SNTG1: variants seen among roughly 807,000 people sequenced by gnomAD.
SNTG1 encodes syntrophin gamma 1.
Under a neutral mutation model 74.7 loss-of-function variants are expected in SNTG1, and 39 were observed. That is an observed-to-expected ratio of 0.52 (90% CI 0.40 to 0.68). The LOEUF (loss-of-function observed/expected upper bound fraction) is 0.68. Ranked by LOEUF, SNTG1 falls within the 30% of genes least tolerant of loss-of-function variation. The pLI, the probability that SNTG1 is intolerant of heterozygous loss-of-function variation, is 0.00. For synonymous variants in SNTG1, 254 were observed against 217.1 expected, an observed-to-expected ratio of 1.17 and a Z score of -1.49; for missense variants, 685 against 609.5, an observed-to-expected ratio of 1.12 and a Z score of -1.30.
chr8:49,917,583 C>G lies in SNTG1; in HGVS notation c.-103+5352C>G, dbSNP rs117252689. 2.8e-4 allele frequency among the ~76,000 whole-genome samples: 42 copies of G among 152,228 alleles called. No homozygotes were observed. In the East Asian group the frequency reaches 7.3e-3, roughly 27 times the overall value. ...GAAGCTGGTGAGTGTTATGACTTAGCCTGTTAGACTAGTCTATGCACATGG... is the reference window on the plus strand; with the variant it reads ...GAAGCTGGTGAGTGTTATGACTTAGGCTGTTAGACTAGTCTATGCACATGG... On this transcript the variant is annotated intron_variant, in intron 1 of 18. Transcript: ENST00000642720.
intron 2 of SNTG1, among the ~76,000 whole-genome samples, chr8:50,278,078 T>A (rs1269952920): frequency 6.6e-6 from 1 of 152,100 alleles, no homozygotes; most frequent in East Asian, 1.9e-4. Flanking sequence ...GAGGCTGAGG[T>A]GGGAGAATCA....
At chr8:50,680,428 G>A (rs537757050) in intron 15 of SNTG1, among the ~76,000 whole-genome samples, 6 of 152,174 alleles carry the variant, frequency 3.9e-5, no homozygotes, top group East Asian at 1.9e-4. Flanking sequence ...GTAGTTGGTC[G>A]ATACCAATTA....
At chr8:50,115,262 T>A (rs1265640444) in intron 1 of SNTG1, among the ~76,000 whole-genome samples, 1 of 151,858 alleles carries the variant, frequency 6.6e-6, no homozygotes, top group Non-Finnish European at 1.5e-5. Context: ...TTTTACAGTG[T>A]GAGTGAGAGG....
intron 2 of SNTG1, among the ~76,000 whole-genome samples, chr8:50,352,496 T>G (rs13259996): frequency 0.46 from 69,354 of 151,788 alleles, 18,764 homozygotes; most frequent in East Asian, 0.79. Flanking sequence ...GTACAAGAGA[T>G]TCTCCTGTCT....
intron 2 of SNTG1, among the ~76,000 whole-genome samples, chr8:50,257,738 G>T (rs763610267): frequency 5.9e-5 from 9 of 152,170 alleles, no homozygotes; most frequent in Admixed American, 1.3e-4. Context: ...CAGGAAAGAG[G>T]ACAGCTAAGG....
chr8:50,239,931 C>T (rs552473840), intron 2 of SNTG1, among the ~76,000 whole-genome samples: 30 of 152,222 alleles, frequency 2.0e-4, no homozygotes, highest in African/African-American at 6.0e-4. Context: ...TTTAAAAATC[C>T]CAATTCTCCT....
At chr8:50,333,940 G>A (rs1462664485) in intron 2 of SNTG1, among the ~76,000 whole-genome samples, 8 of 152,294 alleles carry the variant, frequency 5.3e-5, no homozygotes, top group African/African-American at 1.7e-4. Flanking sequence ...CATGGATAAT[G>A]TACATAATTT....
chr8:50,341,107 T>C (rs959885081), intron 2 of SNTG1, among the ~76,000 whole-genome samples: 2 of 152,004 alleles, frequency 1.3e-5, no homozygotes, highest in African/African-American at 2.4e-5. Context: ...GGCTACATAG[T>C]AGTTTGGCCA....
intron 1 of SNTG1, among the ~76,000 whole-genome samples, chr8:50,126,322 T>C (rs1470420625): frequency 6.6e-6 from 1 of 152,146 alleles, no homozygotes; most frequent in Non-Finnish European, 1.5e-5. Context: ...GGCTGTATAG[T>C]TTTATGAGAC....
At chr8:50,351,617 A>G (rs896023) in intron 2 of SNTG1, among the ~76,000 whole-genome samples, 24,065 of 152,148 alleles carry the variant, frequency 0.16, 2,325 homozygotes, top group Middle Eastern at 0.26. Flanking sequence ...ATGCTGGAGT[A>G]AAAAACTGAA....
At chr8:50,627,321 A>T (rs557221333) in intron 13 of SNTG1, among the ~76,000 whole-genome samples, 1 of 152,336 alleles carries the variant, frequency 6.6e-6, no homozygotes, top group African/African-American at 2.4e-5. Flanking sequence ...AGATAATAAA[A>T]AACCATCATG....
intron 15 of SNTG1, among the ~76,000 whole-genome samples, chr8:50,689,358 GC>G (rs1359659581): frequency 8.5e-5 from 13 of 152,072 alleles, no homozygotes; most frequent in Admixed American, 3.3e-4. Context: ...TGAAGTTTTT[GC>G]CCATTCAGTA....
rs549291364 is a variant in SNTG1 at position 50,084,068 on chromosome 8, A to G, written c.-102-88493A>G. 1.3e-4 allele frequency among the ~76,000 whole-genome samples: 20 copies of G among 152,330 alleles called. No individual in the cohort carries two copies. In the Middle Eastern group the frequency reaches 0.01, roughly 78 times the overall value. ...GCTATAGCCATTCTAAATGTAATAG[A>G]TACTCCAAAAGCCATCTCTAAAAGA... is the stretch of plus-strand genomic sequence containing the variant. On this transcript the variant is annotated intron_variant, in intron 1 of 18. Coordinates refer to ENST00000642720, the MANE Select transcript of SNTG1 (RefSeq NM_018967.5).
chr8:50,100,278 G>C (rs972839607), intron 1 of SNTG1, among the ~76,000 whole-genome samples: 4 of 151,928 alleles, frequency 2.6e-5, no homozygotes, highest in African/African-American at 7.2e-5. Context: ...GAAGGACAGA[G>C]GGAGGGAAGG....
intron 1 of SNTG1, among the ~76,000 whole-genome samples, chr8:50,008,490 A>T (rs1417155514): frequency 6.6e-6 from 1 of 152,112 alleles, no homozygotes; most frequent in Non-Finnish European, 1.5e-5. Flanking sequence ...TATTACGGAG[A>T]TTTTTTTAAT....
chr8:50,664,951 T>C (rs1282750441), intron 15 of SNTG1, among the ~76,000 whole-genome samples: 6 of 152,178 alleles, frequency 3.9e-5, no homozygotes, highest in Non-Finnish European at 8.8e-5. Context: ...ATTTTGTTTG[T>C]AGATATTCAA....
chr8:50,072,706 A>C (rs548044696), intron 1 of SNTG1, among the ~76,000 whole-genome samples: 1 of 152,328 alleles, frequency 6.6e-6, no homozygotes, highest in South Asian at 2.1e-4. Flanking sequence ...TCTAAAACTA[A>C]AATAGCAAAG....
At chr8:50,412,961 G>T (rs187397890) in intron 4 of SNTG1, among the ~76,000 whole-genome samples, 51 of 152,206 alleles carry the variant, frequency 3.4e-4, no homozygotes, top group African/African-American at 1.1e-3. Context: ...AATGGAAGTT[G>T]AATTGAGACC....
In SNTG1 at chr8:50,357,273, A is replaced by G. The variant is rs1195746087; in HGVS notation, c.-27-36939A>G. Among the ~76,000 whole-genome samples the G allele has an allele frequency of 2.6e-5, 4 of 152,330 alleles. No individual in the cohort carries two copies. In the South Asian group the frequency reaches 6.2e-4, roughly 24 times the overall value. On this transcript the variant is annotated intron_variant, in intron 2 of 18. Coordinates refer to ENST00000642720, the MANE Select transcript of SNTG1 (RefSeq NM_018967.5). ...TCAGAGGGCAGCAGTCCAGTCTTCT[A>G]CATCCCTGTATTCCCACAGTGGGGA... is the stretch of plus-strand genomic sequence containing the variant.
Sources: allele counts gnomAD v4.1 joint callset (sites outside exome capture counted in the v4.1 genomes callset), GRCh38; gene constraint gnomAD v4.1.1; transcripts MANE v1.5; gene names NCBI Gene and HGNC (gene_info 2026-07-23, HGNC 2026-07-21).